The following ATRIP variants were observed in gnomAD, a reference collection of about 807,000 sequenced individuals.
The protein encoded by ATRIP is ATR-interacting protein.
Under a neutral mutation model 78.1 loss-of-function variants are expected in ATRIP, and 44 were observed. The ratio of observed to expected loss-of-function variants is 0.56; its 90% CI spans 0.44 to 0.72. ATRIP has a LOEUF of 0.72. Ranked by LOEUF, ATRIP falls within the 30% of genes least tolerant of loss-of-function variation. The pLI, the probability that ATRIP is intolerant of heterozygous loss-of-function variation, is 0.00. For missense variants in ATRIP, 927 were observed against 980.2 expected (o/e 0.95, Z 0.72); for synonymous variants, 388 against 408.9 (o/e 0.95, Z 0.62).
Position 48,466,277 on chromosome 3 carries a change from G to A in ATRIP, c.*723G>A, listed in dbSNP as rs1039506151. The A allele has an allele frequency of 2.8e-5, 18 of 648,688 alleles. No individual in the cohort carries two copies. Among genetic ancestry groups the A allele is most frequent in the East Asian group, 1.1e-4 (4 of 36,484 alleles). The allele number at this position is 648,688 out of a possible 1,614,324, so 40.2% of individuals were successfully genotyped here. ...GAGAGCCGCGGGAGAGTGTGCAGCC[G>A]AGTCACTACTGCCTGCCTGCCTGCC... On this transcript the variant is annotated 3_prime_UTR_variant, in exon 13 of 13. Transcript: ENST00000320211.
intron 4 of ATRIP, 137 bp from the exon 5 acceptor site, chr3:48,457,122 A>G: frequency 3.2e-6 from 2 of 634,262 alleles, no homozygotes; most frequent in South Asian, 5.5e-5. Context: ...AAAGAATGGT[A>G]GACATATAAT....
Position 48,467,306 on chromosome 3 carries a change from G to A in ATRIP, c.*1752G>A, listed in dbSNP as rs140199177. 287 of 1,614,060 alleles carry A rather than the reference G, an allele frequency of 1.8e-4. No individual in the cohort carries two copies. Among genetic ancestry groups the A allele is most frequent in the Non-Finnish European group, 2.4e-4 (282 of 1,180,042 alleles). ...AGTGGAGACCACAGGCCCTGCTGCG[G>A]TGGGTGGATGCTCACGCCAGGCCTT... On this transcript the variant is annotated 3_prime_UTR_variant, in exon 13 of 13. Coordinates refer to ENST00000320211, the MANE Select transcript of ATRIP (RefSeq NM_130384.3).
intron 1 of ATRIP, chr3:48,447,480 T>C: frequency 3.0e-6 from 3 of 995,844 alleles, no homozygotes; most frequent in Non-Finnish European, 3.6e-6. Flanking sequence ...TGAAGCCCAC[T>C]GTCTCCCTTG....
At chr3:48,459,567 G>A in intron 6 of ATRIP, 113 bp downstream of exon 6, 1 of 1,228,034 alleles carries the variant, frequency 8.1e-7, no homozygotes, top group Non-Finnish European at 1.2e-6. Flanking sequence ...AGAGAGTCCA[G>A]GGAAGTCAAA....
At position 48,451,185 on chromosome 3, in the gene ATRIP, G is replaced by A. The variant is rs539101679; in HGVS notation, c.382-544G>A. ...GCCTAGGCGACAATAGCAAGACTCC[G>A]TCTCAAAAAAAAAAAGGAATCTGGT... is the stretch of plus-strand genomic sequence containing the variant. On this transcript the variant is annotated intron_variant, in intron 2 of 12. Coordinates refer to ENST00000320211, the MANE Select transcript of ATRIP (RefSeq NM_130384.3). 7.3e-5 allele frequency among the ~76,000 whole-genome samples: 11 copies of A among 149,682 alleles called. 1 individual carries two copies. In the South Asian group the frequency reaches 1.9e-3, roughly 26 times the overall value.
At position 48,467,135 on chromosome 3, in the gene ATRIP, G is replaced by T; in HGVS notation, c.*1581G>T. 6.2e-7 allele frequency: 1 copy of T among 1,614,036 alleles called. No homozygotes were observed. The highest frequency in any genetic ancestry group is 8.5e-7 in the Non-Finnish European group (1 of 1,180,040). On this transcript the variant is annotated 3_prime_UTR_variant, in exon 13 of 13. Coordinates refer to ENST00000320211, the MANE Select transcript of ATRIP (RefSeq NM_130384.3). ...GTGTGGATAGCATCACTGCGCTGAA[G>T]GCCCTGGAGCGAGCAAGCAGCCCCT...
chr3:48,456,287 A>T (rs1046897551), intron 4 of ATRIP, among the ~76,000 whole-genome samples: 7 of 151,740 alleles, frequency 4.6e-5, no homozygotes, highest in East Asian at 2.0e-4. Flanking sequence ...ACTTAAAAAA[A>T]AAATAAAATT....
At position 48,446,807 on chromosome 3, in the gene ATRIP, T is replaced by C; in HGVS notation, c.-39T>C. On this transcript the variant is annotated 5_prime_UTR_variant, in exon 1 of 13. Transcript: ENST00000320211. ...TCTCCGGCCTGGCGGCAGGCAAGTC[T>C]AGCTCGGCGCTGTCGGATACTTGGG... 1 of 1,374,142 alleles carries C rather than the reference T, an allele frequency of 7.3e-7. No homozygotes were observed. Among genetic ancestry groups the C allele is most frequent in the Non-Finnish European group, 9.4e-7 (1 of 1,062,440 alleles). The allele number at this position is 1,374,142 out of a possible 1,614,324, so 85.1% of individuals were successfully genotyped here. A position where few individuals can be genotyped will look rare whatever the true frequency, so the allele number is the denominator to read the frequency against.
rs2039693370 is a variant in ATRIP, at chr3:48,447,000, A to G, written c.155A>G (p.His52Arg). Residue 52 changes from histidine (H) to arginine (R), a missense_variant, in exon 1 of 13, where the codon CAT becomes CGT. Transcript: ENST00000320211. Reference sequence around the variant, plus strand: ...GACCCTGACGACCCGTTCGGCGCGCATGGGGACTTCACTGCCGACGACCTG... The same window carrying G: ...GACCCTGACGACCCGTTCGGCGCGCGTGGGGACTTCACTGCCGACGACCTG... ...APDPDDPFGA[H>R]GDFTADDLEE... 4 of 1,579,638 alleles carry G rather than the reference A, an allele frequency of 2.5e-6. No individual in the cohort carries two copies. The highest frequency in any genetic ancestry group is 1.4e-5 in the African/African-American group (1 of 71,570).
rs1336224972 is a variant in ATRIP at position 48,447,216 on chromosome 3, A to G, written c.247+124A>G. The stretch of plus-strand genomic sequence containing the variant: ...TTTCGCCTTTTTAAAATATGGGAAC[A>G]CCCTGATTTAAGCAGCGGTTGTCTT... On this transcript the variant is annotated intron_variant, in intron 1 of 12. Transcript: ENST00000320211. The G allele has an allele frequency of 3.9e-6, 5 of 1,274,136 alleles. No homozygotes were observed. The African/African-American group carries it at 7.7e-5, about 20-fold the overall frequency. The allele number at this position is 1,274,136 out of a possible 1,614,324, so 78.9% of individuals were successfully genotyped here.
In ATRIP at chr3:48,458,338, C is replaced by A. The variant is rs906329819; in HGVS notation, c.829+922C>A. ...TTCTTTTCTTGTTTTTTTTTTTTTT[C>A]TTTGAGGCGGAGTCTCACTCTGTCA... On this transcript the variant is annotated intron_variant, in intron 5 of 12. Transcript: ENST00000320211. 1.6e-3 allele frequency among the ~76,000 whole-genome samples: 169 copies of A among 102,804 alleles called. 1 individual carries two copies. The highest frequency in any genetic ancestry group is 6.1e-3 in the African/African-American group (161 of 26,514). The allele number at this position is 102,804 out of a possible 152,430, so 67.4% of individuals were successfully genotyped here.
At position 48,465,114 on chromosome 3, in the gene ATRIP, C is replaced by T. The variant is rs768634958; in HGVS notation, c.2308+31C>T. On this transcript the variant is annotated intron_variant, in intron 12 of 12. Coordinates refer to ENST00000320211, the MANE Select transcript of ATRIP (RefSeq NM_130384.3). ...CCTGCCAGAGGCCATCCTGCCCAGC[C>T]CCCATGGCTTCTTCCAGAGGTTCCC... 54 of 1,585,906 alleles carry T rather than the reference C, an allele frequency of 3.4e-5. No homozygotes were observed. In the Middle Eastern group the frequency reaches 1.3e-3, roughly 40 times the overall value.
At chr3:48,456,259 TA>T (rs925678589) in intron 4 of ATRIP, among the ~76,000 whole-genome samples, 1 of 151,178 alleles carries the variant, frequency 6.6e-6, no homozygotes, top group South Asian at 2.1e-4. Flanking sequence ...CTGGGCAACA[TA>T]GCAAAACCCC....
rs778705510 is a variant in ATRIP at position 48,463,866 on chromosome 3, C to T, written c.1867C>T (p.Leu623Phe). The T allele has an allele frequency of 1.2e-6, 2 of 1,614,152 alleles. No homozygotes were observed. Among genetic ancestry groups the T allele is most frequent in the African/African-American group, 1.3e-5 (1 of 75,048 alleles). The change falls in exon 9 of 13, where the codon CTC becomes TTC. Residue 623 changes from leucine (L) to phenylalanine (F), a missense_variant. By Grantham distance (22) the Leu-to-Phe change is conservative (BLOSUM62 0). Coordinates refer to ENST00000320211, the MANE Select transcript of ATRIP (RefSeq NM_130384.3). ...LADHDQLAPQ[L>F]CSHSEGCLLL... ...GGACCACGACCAGCTGGCACCTCAGCTCTGTTCCCACTCAGGTAAAGCAGG... is the reference window on the plus strand; with the variant it reads ...GGACCACGACCAGCTGGCACCTCAGTTCTGTTCCCACTCAGGTAAAGCAGG...
Position 48,466,918 on chromosome 3 carries a change from G to T in ATRIP, c.*1364G>T. 8 of 1,611,556 alleles carry T rather than the reference G, an allele frequency of 5.0e-6. No homozygotes were observed. Among genetic ancestry groups the T allele is most frequent in the Non-Finnish European group, 6.8e-6 (8 of 1,180,024 alleles). ...GCAGCCAGCGAGATCACAGGTCTGA[G>T]CACAGCTGTGCTGGCAGCGCATGGG... On this transcript the variant is annotated 3_prime_UTR_variant, in exon 13 of 13. Transcript: ENST00000320211.
rs577543645 is a variant in ATRIP, at chr3:48,449,937, C to CA, written c.248-94dup. 987 of 1,310,184 alleles carry CA rather than the reference C, an allele frequency of 7.5e-4. 5 individuals carry two copies. In the African/African-American group the frequency reaches 0.014, roughly 19 times the overall value. The allele number at this position is 1,310,184 out of a possible 1,614,324, so 81.2% of individuals were successfully genotyped here. On this transcript the variant is annotated intron_variant, in intron 1 of 12. Transcript: ENST00000320211. ...TGGGTAACAGAGCAAGACCCTATCT[C>CA]AAAAAAGAAAAAAAAAAAAAAAGTG...
intron 1 of ATRIP, 51 bp downstream of exon 1, chr3:48,447,143 G>C: frequency 7.0e-7 from 1 of 1,427,290 alleles, no homozygotes. Context: ...AACCGCGCCA[G>C]ATCCCCTTGA....
intron 4 of ATRIP, among the ~76,000 whole-genome samples, chr3:48,454,949 G>A (rs1444150689): frequency 2.0e-5 from 3 of 150,516 alleles, no homozygotes; most frequent in Admixed American, 6.7e-5. Flanking sequence ...TGCAACCTCC[G>A]CCTCCTGGGT....
At chr3:48,465,276 G>T (rs2040248007) in intron 12 of ATRIP, among the ~76,000 whole-genome samples, 193 bp downstream of exon 12, 1 of 152,242 alleles carries the variant, frequency 6.6e-6, no homozygotes, top group African/African-American at 2.4e-5. Context: ...GCATCTATCT[G>T]TTGAGTGTGC....
Sources: allele counts gnomAD v4.1 joint callset (sites outside exome capture counted in the v4.1 genomes callset), GRCh38; gene constraint gnomAD v4.1.1; transcripts MANE v1.5; gene names NCBI Gene and HGNC (gene_info 2026-07-23, HGNC 2026-07-21).